The following FBXO42 variants were observed in gnomAD, a reference collection of about 807,000 sequenced individuals.
The protein encoded by FBXO42 is F-box protein 42, also known as F-box only protein 42.
FBXO42 carries 12 observed loss-of-function variants against 71.7 expected under a neutral mutation model. That is an observed-to-expected ratio of 0.17 (90% CI 0.11 to 0.27). The LOEUF is 0.27. Ranked by LOEUF, FBXO42 falls within the 10% of genes least tolerant of loss-of-function variation. The pLI is 1.00. For missense variants in FBXO42, 707 were observed against 911.9 expected (o/e 0.78, Z 2.89); for synonymous variants, 325 against 327.5 (o/e 0.99, Z 0.08).
chr1:16,291,103 T>A (rs919533477), intron 4 of FBXO42, among the ~76,000 whole-genome samples: 1 of 152,202 alleles, frequency 6.6e-6, no homozygotes, highest in African/African-American at 2.4e-5. Context: ...TTAAAGCAAC[T>A]ATTACCTTCC....
chr1:16,262,674 A>T (rs2081726908), intron 4 of FBXO42, among the ~76,000 whole-genome samples: 1 of 152,138 alleles, frequency 6.6e-6, no homozygotes, highest in Non-Finnish European at 1.5e-5. Context: ...GTGGTCAGAG[A>T]TTACGCGGAT....
chr1:16,312,894 G>C (rs1234998718), intron 2 of FBXO42, among the ~76,000 whole-genome samples: 1 of 151,228 alleles, frequency 6.6e-6, no homozygotes, highest in Admixed American at 6.6e-5. Context: ...TCCCAGGTTT[G>C]AACGTTTCTC....
chr1:16,307,251 T>G (rs12078171), intron 2 of FBXO42, among the ~76,000 whole-genome samples: 1 of 152,106 alleles, frequency 6.6e-6, no homozygotes. Flanking sequence ...GTAATCCCAG[T>G]GCTTTAGGAA....
chr1:16,339,628 T>G (rs1371043456), intron 1 of FBXO42, among the ~76,000 whole-genome samples: 1 of 152,146 alleles, frequency 6.6e-6, no homozygotes, highest in Non-Finnish European at 1.5e-5. Context: ...TGTTCTTATG[T>G]AAATTTTCTC....
At chr1:16,284,005 G>A (rs577925311) in intron 4 of FBXO42, among the ~76,000 whole-genome samples, 1 of 152,286 alleles carries the variant, frequency 6.6e-6, no homozygotes, top group South Asian at 2.1e-4. Context: ...GTCTGAGTTT[G>A]AATAAAGGGT....
intron 1 of FBXO42, among the ~76,000 whole-genome samples, chr1:16,337,279 C>A (rs2082560412): frequency 6.6e-6 from 1 of 151,998 alleles, no homozygotes; most frequent in Non-Finnish European, 1.5e-5. Flanking sequence ...AGTTTGGGGA[C>A]CTTGAGTATC....
intron 1 of FBXO42, among the ~76,000 whole-genome samples, chr1:16,350,604 G>A (rs979260522): frequency 6.8e-6 from 1 of 147,576 alleles, no homozygotes; most frequent in Non-Finnish European, 1.5e-5. Context: ...AAAAATTAGC[G>A]GGCGTGGTGG....
intron 4 of FBXO42, among the ~76,000 whole-genome samples, chr1:16,266,854 C>T (rs757359573): frequency 3.9e-5 from 6 of 152,070 alleles, no homozygotes; most frequent in Non-Finnish European, 7.4e-5. Context: ...AATCAGAAAA[C>T]CTAGAGGGCA....
intron 1 of FBXO42, among the ~76,000 whole-genome samples, chr1:16,327,011 T>C (rs763001187): frequency 6.6e-6 from 1 of 152,224 alleles, no homozygotes; most frequent in Admixed American, 6.6e-5. Context: ...CATCTCTCTC[T>C]ATGACCCACT....
At position 16,315,394 on chromosome 1, in the gene FBXO42, C is replaced by A. The variant is rs781463138; in HGVS notation, c.25G>T (p.Asp9Tyr). 2 of 1,614,166 alleles carry A rather than the reference C, an allele frequency of 1.2e-6. No individual in the cohort carries two copies. Among genetic ancestry groups the A allele is most frequent in the Non-Finnish European group, 1.7e-6 (2 of 1,180,024 alleles). Residue 9 changes from aspartate to tyrosine, a missense_variant, in exon 2 of 10, where the codon GAT becomes TAT. Asp to Tyr is a radical substitution (Grantham distance 160). This residue lies in a region of FBXO42 where 188 missense variants were observed against 230.5 expected (regional missense o/e 0.82). Transcript: ENST00000375592. MASSSDSE[D>Y]DSFMAVDQEE... is the part of the protein sequence containing the mutation. ...TGGTCCACAGCCATGAAACTGTCATCTTCACTGTCCGAGGAGCTGGCCATG... is the reference window on the plus strand; with the variant it reads ...TGGTCCACAGCCATGAAACTGTCATATTCACTGTCCGAGGAGCTGGCCATG...
chr1:16,296,244 G>A (rs1277836453), intron 3 of FBXO42, among the ~76,000 whole-genome samples: 2 of 152,082 alleles, frequency 1.3e-5, no homozygotes, highest in African/African-American at 2.4e-5. Flanking sequence ...TTTCATGCAC[G>A]CAGGAGGTAA....
chr1:16,320,269 G>A (rs1040577273), intron 1 of FBXO42, among the ~76,000 whole-genome samples: 5 of 149,176 alleles, frequency 3.4e-5, no homozygotes, highest in Non-Finnish European at 7.4e-5. Context: ...GCTGAGGCAG[G>A]AGAATCACTT....
At chr1:16,339,341 TCTCA>T (rs111986530) in intron 1 of FBXO42, among the ~76,000 whole-genome samples, 2,960 of 152,224 alleles carry the variant, frequency 0.019, 78 homozygotes, top group African/African-American at 0.068. Context: ...TGAGATGAAG[TCTCA>T]CTGTGTTGCC....
chr1:16,306,022 C>CTT, intron 2 of FBXO42, 103 bp from the exon 3 acceptor site: 26 of 814,694 alleles, frequency 3.2e-5, no homozygotes, highest in Non-Finnish European at 4.1e-5. Context: ...ATACAAGTTT[C>CTT]TTTTTTTTTT....
At position 16,251,827 on chromosome 1, in the gene FBXO42, T is replaced by C; in HGVS notation, c.1039-42A>G. 1.3e-6 allele frequency: 2 copies of C among 1,563,572 alleles called. No individual in the cohort carries two copies. The highest frequency in any genetic ancestry group is 1.7e-6 in the Non-Finnish European group (2 of 1,154,814). On this transcript the variant is annotated intron_variant, in intron 9 of 9. Transcript: ENST00000375592. This position sits in a 1 kb window ranked among gnomAD's most constrained non-coding sequence, Gnocchi z 4.5. Reference sequence around the variant, plus strand: ...CAGTGCTCACACTCTTCTATGATTCTGATTGTTCATTCAACTGTCAAACAT... The same window carrying C: ...CAGTGCTCACACTCTTCTATGATTCCGATTGTTCATTCAACTGTCAAACAT...
At chr1:16,310,707 T>C (rs1223159555) in intron 2 of FBXO42, among the ~76,000 whole-genome samples, 2 of 151,932 alleles carry the variant, frequency 1.3e-5, no homozygotes, top group African/African-American at 2.4e-5. Context: ...AACTCAACAA[T>C]ATTAGGGCCA....
At chr1:16,253,248 CA>C in intron 7 of FBXO42, 96 bp from the exon 8 acceptor site, 1 of 1,026,418 alleles carries the variant, frequency 9.7e-7, no homozygotes, top group South Asian at 1.5e-5. Flanking sequence ...ACCTAGCTCC[CA>C]AATGGGAATA....
chr1:16,330,399 T>C (rs889631843), intron 1 of FBXO42, among the ~76,000 whole-genome samples: 33 of 151,810 alleles, frequency 2.2e-4, no homozygotes, highest in African/African-American at 8.0e-4. Flanking sequence ...TGGCAGCTAC[T>C]TGGGGGCTGG....
intron 4 of FBXO42, among the ~76,000 whole-genome samples, chr1:16,259,086 G>C (rs575130265): frequency 6.6e-6 from 1 of 152,058 alleles, no homozygotes; most frequent in Non-Finnish European, 1.5e-5. Flanking sequence ...GAAGTGCTGA[G>C]GTATTCTCTA....
Sources: allele counts gnomAD v4.1 joint callset (sites outside exome capture counted in the v4.1 genomes callset), GRCh38; gene constraint gnomAD v4.1.1; regional missense constraint gnomAD v4.1.1; non-coding constraint Gnocchi (gnomAD v3.1); transcripts MANE v1.5; gene names NCBI Gene and HGNC (gene_info 2026-07-23, HGNC 2026-07-21).